The following EPM2A variants were observed in gnomAD, a reference collection of about 807,000 sequenced individuals.
EPM2A encodes the protein laforin.
In EPM2A, 21 loss-of-function variants were observed where a neutral mutation model predicts 26.5. The observed-to-expected ratio is 0.79, with a 90% CI of 0.56 to 1.14. The LOEUF (loss-of-function observed/expected upper bound fraction) is 1.14, where lower values mean the gene tolerates loss of function less well. Ranked by LOEUF, EPM2A falls within the 50% of genes most tolerant of loss-of-function variation. The pLI is 0.00. For missense variants in EPM2A, 458 were observed against 440.8 expected, an observed-to-expected ratio of 1.04 and a Z score of -0.35; for synonymous variants, 217 against 177.6, an observed-to-expected ratio of 1.22 and a Z score of -1.76.
intron 2 of EPM2A, among the ~76,000 whole-genome samples, chr6:145,506,071 C>G (rs1176667140): frequency 6.6e-6 from 1 of 152,150 alleles, no homozygotes; most frequent in Admixed American, 6.5e-5. Flanking sequence ...GGTTTTATTA[C>G]TTACAATTGG....
At chr6:145,723,446 C>A (rs957748923) in intron 1 of EPM2A, among the ~76,000 whole-genome samples, 1 of 151,976 alleles carries the variant, frequency 6.6e-6, no homozygotes, top group Non-Finnish European at 1.5e-5. Flanking sequence ...AACACAAAAA[C>A]ACACAAGTAT....
At chr6:145,475,732 T>C (rs1779534223) in intron 4 of EPM2A, among the ~76,000 whole-genome samples, 1 of 151,992 alleles carries the variant, frequency 6.6e-6, no homozygotes. Context: ...CAGGTTAAAA[T>C]AATAAGTTAT....
At chr6:145,632,862 C>T (rs1325926483) in intron 3 of EPM2A, among the ~76,000 whole-genome samples, 2 of 152,174 alleles carry the variant, frequency 1.3e-5, no homozygotes, top group Admixed American at 1.3e-4. Flanking sequence ...TAGATTACAC[C>T]CCCAGGTTAG....
intron 1 of EPM2A, among the ~76,000 whole-genome samples, chr6:145,730,318 C>G (rs1349700680): frequency 2.6e-5 from 4 of 152,198 alleles, no homozygotes; most frequent in African/African-American, 9.6e-5. Flanking sequence ...TTCTGGTGAA[C>G]ATTTGCTTCC....
rs539716214 is a variant in EPM2A, at chr6:145,484,197, C to T, written c.555+18325G>A. Reference sequence around the variant, plus strand: ...CTTCTGTAATGATTTAGGATGCAGACAACTGTGTTTAGGTAGCAAGTTTTC... The same window carrying T: ...CTTCTGTAATGATTTAGGATGCAGATAACTGTGTTTAGGTAGCAAGTTTTC... On this transcript the variant is annotated intron_variant, in intron 4 of 4. Coordinates refer to the EPM2A transcript ENST00000638717. Among the ~76,000 whole-genome samples the T allele has an allele frequency of 4.6e-5, 7 of 152,172 alleles. No individual in the cohort carries two copies. In the East Asian group the frequency reaches 1.2e-3, roughly 25 times the overall value.
chr6:145,612,562 G>A (rs977025775), intron 2 of EPM2A, among the ~76,000 whole-genome samples: 1 of 151,784 alleles, frequency 6.6e-6, no homozygotes, highest in East Asian at 1.9e-4. Flanking sequence ...AACAACACAG[G>A]CAAACCTCAG....
At position 145,627,253 on chromosome 6, in the gene EPM2A, A is replaced by G; in HGVS notation, c.*163T>C. 2.6e-6 allele frequency: 4 copies of G among 1,529,234 alleles called. No individual in the cohort carries two copies. Among genetic ancestry groups the G allele is most frequent in the Non-Finnish European group, 3.5e-6 (4 of 1,150,560 alleles). The allele number at this position is 1,529,234 out of a possible 1,614,324, so 94.7% of individuals were successfully genotyped here. A position where few individuals can be genotyped will look rare whatever the true frequency, so the allele number is the denominator to read the frequency against. On this transcript the variant is annotated 3_prime_UTR_variant, in exon 4 of 4. Transcript: ENST00000367519. Reference sequence around the variant, plus strand: ...TAGAGTATTTCAAAAATACAGCCCCAAAACAAAGCATAATCGAAAGTCATC... The same window carrying G: ...TAGAGTATTTCAAAAATACAGCCCCGAAACAAAGCATAATCGAAAGTCATC...
intron 4 of EPM2A, among the ~76,000 whole-genome samples, chr6:145,386,776 AG>A: frequency 6.6e-6 from 1 of 152,302 alleles, no homozygotes; most frequent in South Asian, 2.1e-4. Context: ...ATTAGAAACC[AG>A]GGATATGAGC....
chr6:145,604,563 T>C (rs1354811090), intron 2 of EPM2A, among the ~76,000 whole-genome samples: 3 of 152,086 alleles, frequency 2.0e-5, no homozygotes, highest in African/African-American at 7.2e-5. Flanking sequence ...TCTATTAACA[T>C]GAAATAATGT....
chr6:145,543,211 CT>C (rs67453085), intron 2 of EPM2A, among the ~76,000 whole-genome samples: 4,592 of 151,578 alleles, frequency 0.03, 101 homozygotes, highest in South Asian at 0.083. Flanking sequence ...AAAGGATGCT[CT>C]TTTTTTTTCT....
At position 145,635,260 on chromosome 6, in the gene EPM2A, C is replaced by A. The variant is rs766024531; in HGVS notation, c.703G>T (p.Asp235Tyr). The change falls in exon 3 of 4, where the codon GAT becomes TAT. Residue 235 changes from aspartate to tyrosine, a missense_variant. Asp to Tyr is a radical substitution (Grantham distance 160, BLOSUM62 -3). Coordinates refer to ENST00000367519, the MANE Select transcript of EPM2A (RefSeq NM_005670.4). Reference protein sequence around the residue: ...GLAYIWMPTPDMSTEGRVQML... With the variant: ...GLAYIWMPTPYMSTEGRVQML... ...TGATCCTTACCTTCGGTGCTCATATCTGGTGTTGGCATCCAGATGTAGGCC... is the reference window on the plus strand; with the variant it reads ...TGATCCTTACCTTCGGTGCTCATATATGGTGTTGGCATCCAGATGTAGGCC... 1.9e-6 allele frequency: 3 copies of A among 1,614,164 alleles called. No homozygotes were observed. In the East Asian group the frequency reaches 6.7e-5, roughly 36 times the overall value.
intron 1 of EPM2A, among the ~76,000 whole-genome samples, chr6:145,717,461 C>T (rs1168380222): frequency 2.6e-5 from 4 of 152,070 alleles, no homozygotes; most frequent in East Asian, 1.9e-4. Flanking sequence ...ATTGATGGGA[C>T]GTATCTCAAA....
intron 2 of EPM2A, among the ~76,000 whole-genome samples, chr6:145,504,937 C>T (rs1410971368): frequency 3.0e-5 from 2 of 67,156 alleles, no homozygotes; most frequent in East Asian, 9.8e-4. Flanking sequence ...GAGTTCATGT[C>T]CTTTGTAGGG....
chr6:145,624,506 G>A (rs534714998), downstream of EPM2A, among the ~76,000 whole-genome samples: 60 of 152,128 alleles, frequency 3.9e-4, 1 homozygote, highest in East Asian at 3.9e-4. Flanking sequence ...ATAAATCTCC[G>A]AACCTTTCTT....
At position 145,735,452 on chromosome 6, in the gene EPM2A, G is replaced by T. The variant is rs1209247378; in HGVS notation, c.47C>A (p.Ala16Asp). ...CCCCACCACCAGCAGCTCCGGCCGG[G>T]CGCCGGCCACGGCGGGTGGCACCAC... Reference protein sequence around the residue: ...GVVVPPAVAGARPELLVVGSR... With the variant: ...GVVVPPAVAGDRPELLVVGSR... Residue 16 changes from alanine (A) to aspartate (D), a missense_variant, in exon 1 of 4, where the codon GCC becomes GAC. By Grantham distance (126) the Ala-to-Asp change is moderately radical. Coordinates refer to ENST00000367519, the MANE Select transcript of EPM2A (RefSeq NM_005670.4). The T allele has an allele frequency of 8.1e-7, 1 of 1,241,554 alleles. No homozygotes were observed. The highest frequency in any genetic ancestry group is 3.1e-4 in the Middle Eastern group (1 of 3,192). 76.9% of individuals were successfully genotyped at this position (1,241,554 alleles called of 1,614,324 possible).
chr6:145,718,708 C>G (rs554442341), intron 1 of EPM2A, among the ~76,000 whole-genome samples: 1 of 152,072 alleles, frequency 6.6e-6, no homozygotes, highest in South Asian at 2.1e-4. Context: ...AGAAAATTTT[C>G]GCAACCTACT....
chr6:145,646,304 G>A (rs548045175), intron 2 of EPM2A, among the ~76,000 whole-genome samples: 5 of 151,884 alleles, frequency 3.3e-5, no homozygotes, highest in African/African-American at 9.7e-5. Flanking sequence ...TTACAGGCAC[G>A]TGCCACCACG....
intron 2 of EPM2A, among the ~76,000 whole-genome samples, chr6:145,506,935 T>G (rs1177819397): frequency 6.6e-6 from 1 of 152,214 alleles, no homozygotes; most frequent in African/African-American, 2.4e-5. Context: ...GTGAACACCA[T>G]GGAGAGCATC....
intron 2 of EPM2A, among the ~76,000 whole-genome samples, chr6:145,595,923 A>G (rs1292888160): frequency 6.6e-6 from 1 of 152,194 alleles, no homozygotes; most frequent in South Asian, 2.1e-4. Flanking sequence ...GTCAATGGAA[A>G]CACCCCAGTG....
Sources: gnomAD v4.1 joint callset for allele counts (sites outside exome capture counted in the v4.1 genomes callset) on GRCh38, gnomAD v4.1.1 for gene constraint, MANE v1.5 for transcripts, NCBI Gene and HGNC (gene_info 2026-07-23, HGNC 2026-07-21) for gene names.